Variants in EFR3B observed in about 807,000 individuals in gnomAD.
The protein encoded by EFR3B is protein EFR3 homolog B.
Under a neutral mutation model 104.7 loss-of-function variants are expected in EFR3B, and 64 were observed. That is an observed-to-expected ratio of 0.61 (90% CI 0.50 to 0.75). The LOEUF is 0.75. Among genes scored for constraint, EFR3B ranks in the 30% least tolerant of loss-of-function variants. The pLI, the probability that EFR3B is intolerant of heterozygous loss-of-function variation, is 0.00. For synonymous variants in EFR3B, 385 were observed against 417.9 expected (o/e 0.92, Z 0.96); for missense variants, 750 against 1,078.5 (o/e 0.70, Z 4.27).
rs1670287196 is a variant in EFR3B, at chr2:25,130,053, G to A, written c.714G>A (p.Glu238=). 1.9e-6 allele frequency: 3 copies of A among 1,551,778 alleles called. No homozygotes were observed. Among genetic ancestry groups the A allele is most frequent in the Non-Finnish European group, 8.7e-7 (1 of 1,147,010 alleles). The change falls in exon 7 of 23, where the codon GAG becomes GAA. Residue 238 remains glutamate, a synonymous_variant. Transcript: ENST00000403714. The surrounding 1 kb of genome is among the most constrained non-coding windows in gnomAD (Gnocchi z 4.6). ...AGCTGGCTGAGAGGTGTCTTCGGGA[G>A]CTGCTGGGCCGGGCTGCCTTTGGCA... The part of the protein sequence containing the change: ...PAELAERCLR[E]LLGRAAFGNI...
intron 1 of EFR3B, among the ~76,000 whole-genome samples, chr2:25,062,603 A>C (rs1200402276): frequency 6.6e-6 from 1 of 152,206 alleles, no homozygotes; most frequent in Non-Finnish European, 1.5e-5. Context: ...CACCAGTGAA[A>C]GGGCTCATTG....
chr2:25,127,768 C>T (rs1024264879), intron 5 of EFR3B, among the ~76,000 whole-genome samples: 2 of 152,150 alleles, frequency 1.3e-5, no homozygotes, highest in Non-Finnish European at 1.5e-5. Context: ...AGCTCTGTGC[C>T]TCTCCCTCTG....
chr2:25,109,281 C>T (rs1336887539), intron 4 of EFR3B, among the ~76,000 whole-genome samples: 1 of 152,082 alleles, frequency 6.6e-6, no homozygotes, highest in Non-Finnish European at 1.5e-5. Flanking sequence ...CATCGCTAAT[C>T]ATTAAGGAAA....
intron 3 of EFR3B, among the ~76,000 whole-genome samples, chr2:25,098,714 T>G (rs970982025): frequency 6.6e-6 from 1 of 152,122 alleles, no homozygotes; most frequent in Non-Finnish European, 1.5e-5. Flanking sequence ...GAACAAAGGA[T>G]CATGTGTTCA....
chr2:25,137,129 T>C lies in EFR3B; in HGVS notation c.1561-212T>C, dbSNP rs958213097. 2.6e-5 allele frequency among the ~76,000 whole-genome samples: 4 copies of C among 152,152 alleles called. No homozygotes were observed. Among genetic ancestry groups the C allele is most frequent in the Admixed American group, 2.0e-4 (3 of 15,268 alleles). On this transcript the variant is annotated intron_variant, in intron 14 of 22. Transcript: ENST00000403714. This position sits in a 1 kb window ranked among gnomAD's most constrained non-coding sequence, Gnocchi z 4.7. ...CCTGGATTTGGGCAGCAGCTTCTGGTGCTGGTTTCACTGGAGCCCATCCTT... is the reference window on the plus strand; with the variant it reads ...CCTGGATTTGGGCAGCAGCTTCTGGCGCTGGTTTCACTGGAGCCCATCCTT...
At position 25,133,028 on chromosome 2, in the gene EFR3B, C is replaced by T; in HGVS notation, c.1259+14C>T. On this transcript the variant is annotated intron_variant, in intron 11 of 22. Coordinates refer to ENST00000403714, the MANE Select transcript of EFR3B (RefSeq NM_014971.2). ...AGGCAGGACGGGGTGAGCCACCAAT[C>T]TCCCCCAGCCTGGAGTCCTCCTCTC... The T allele has an allele frequency of 6.5e-7, 1 of 1,548,084 alleles. No individual in the cohort carries two copies.
chr2:25,065,079 CG>C (rs140212016), intron 1 of EFR3B, among the ~76,000 whole-genome samples: 8 of 151,390 alleles, frequency 5.3e-5, no homozygotes, highest in Admixed American at 2.6e-4. Flanking sequence ...TCCCACCTGG[CG>C]GGGGGGGCGG....
chr2:25,092,101 G>T (rs868837170), intron 2 of EFR3B, among the ~76,000 whole-genome samples: 1 of 151,176 alleles, frequency 6.6e-6, no homozygotes, highest in African/African-American at 2.4e-5. Context: ...ACGGAGTTTC[G>T]CTCTGTTGCC....
intron 1 of EFR3B, among the ~76,000 whole-genome samples, chr2:25,079,380 G>T (rs1668726040): frequency 6.6e-6 from 1 of 152,194 alleles, no homozygotes; most frequent in Admixed American, 6.5e-5. Context: ...GGAAGAATTA[G>T]GGGAGTTTCA....
intron 4 of EFR3B, among the ~76,000 whole-genome samples, chr2:25,109,540 A>G (rs1374777479): frequency 6.6e-6 from 1 of 152,260 alleles, no homozygotes; most frequent in Non-Finnish European, 1.5e-5. Flanking sequence ...AATAATTAAC[A>G]ACAGGTTCTC....
intron 17 of EFR3B, among the ~76,000 whole-genome samples, chr2:25,142,640 T>C (rs1271666203): frequency 6.7e-6 from 1 of 148,704 alleles, no homozygotes; most frequent in Non-Finnish European, 1.5e-5. Context: ...GCGCCTGTAA[T>C]CCCAGCTACT....
chr2:25,046,506 C>CTTTTTTTTTTTTTTTTTTTTTTTTTT (rs531667109), intron 1 of EFR3B, among the ~76,000 whole-genome samples: 4 of 119,104 alleles, frequency 3.4e-5, no homozygotes, highest in Admixed American at 1.7e-4. Flanking sequence ...AGTACAAAGT[C>CTTTTTTTTTTTTTTTTTTTTTTTTTT]TTTTTTTTTT....
Position 25,070,988 on chromosome 2 carries a change from T to C in EFR3B, c.8-20337T>C, listed in dbSNP as rs369084054. Among the ~76,000 whole-genome samples, 15 of 152,296 alleles carry C rather than the reference T, an allele frequency of 9.8e-5. No individual in the cohort carries two copies. The East Asian group carries it at 1.5e-3, about 16-fold the overall frequency. On this transcript the variant is annotated intron_variant, in intron 1 of 22. Coordinates refer to ENST00000403714, the MANE Select transcript of EFR3B (RefSeq NM_014971.2). ...TTTTCTTTTCTTTTTTGAGACGGAG[T>C]CTCGCTCTGTCGCCCAGACTGGAGT...
intron 1 of EFR3B, among the ~76,000 whole-genome samples, chr2:25,087,172 C>T (rs1168745466): frequency 6.6e-6 from 1 of 151,972 alleles, no homozygotes; most frequent in African/African-American, 2.4e-5. Context: ...AGAACTCACC[C>T]ACTGTCACAA....
chr2:25,131,864 A>G lies in EFR3B; in HGVS notation c.1100A>G (p.Lys367Arg). Residue 367 changes from lysine to arginine, a missense_variant, in exon 10 of 23, where the codon AAG becomes AGG. By Grantham distance (26) the Lys-to-Arg change is conservative. Transcript: ENST00000403714. The surrounding 1 kb of genome is among the most constrained non-coding windows in gnomAD (Gnocchi z 7.6). ...GAVSLGTKII[K>R]EHEERMFQEA... ...GTCAGCCTCGGCACCAAGATCATCA[A>G]GGAGCACGAGGAGCGCATGTTCCAG... 1.3e-6 allele frequency: 2 copies of G among 1,546,978 alleles called. No homozygotes were observed. Among genetic ancestry groups the G allele is most frequent in the Non-Finnish European group, 1.7e-6 (2 of 1,145,410 alleles).
At chr2:25,133,341 C>T in intron 11 of EFR3B, 42 bp from the exon 12 acceptor site, 1 of 1,545,300 alleles carries the variant, frequency 6.5e-7, no homozygotes, top group Non-Finnish European at 8.8e-7. Context: ...TGACCTCTGC[C>T]CTATTACCAT....
chr2:25,082,887 C>T (rs1530016), intron 1 of EFR3B, among the ~76,000 whole-genome samples: 54,842 of 152,028 alleles, frequency 0.36, 12,133 homozygotes, highest in Admixed American at 0.53. Flanking sequence ...CAGGGAAGCT[C>T]TTTCCAGCTA....
rs1671161687 is a variant in EFR3B, at chr2:25,156,139, G to A, written c.*1799G>A. 6.6e-6 allele frequency: 1 copy of A among 152,076 alleles called. No homozygotes were observed. Among genetic ancestry groups the A allele is most frequent in the Admixed American group, 6.5e-5 (1 of 15,276 alleles). 9.4% of individuals were successfully genotyped at this position (152,076 alleles called of 1,614,324 possible). On this transcript the variant is annotated 3_prime_UTR_variant, in exon 23 of 23. Coordinates refer to ENST00000403714, the MANE Select transcript of EFR3B (RefSeq NM_014971.2). ...TGGATGTATTTTCCAGAATCGGGGA[G>A]GGACTGAACACGAGCATTTCCCATT...
intron 2 of EFR3B, among the ~76,000 whole-genome samples, chr2:25,091,783 T>C (rs1192778560): frequency 6.6e-6 from 1 of 152,160 alleles, no homozygotes; most frequent in Non-Finnish European, 1.5e-5. Context: ...CTGTCTTGGG[T>C]TGGGCTCAGG....
Sources: gnomAD v4.1 joint callset for allele counts (sites outside exome capture counted in the v4.1 genomes callset) on GRCh38, gnomAD v4.1.1 for gene constraint, Gnocchi (gnomAD v3.1) non-coding constraint, MANE v1.5 for transcripts, NCBI Gene and HGNC (gene_info 2026-07-23, HGNC 2026-07-21) for gene names.